The following KCTD20 variants were observed in gnomAD, a reference collection of about 807,000 sequenced individuals.
KCTD20 encodes BTB/POZ domain-containing protein KCTD20.
A neutral mutation model predicts 39.6 loss-of-function variants in KCTD20; 30 were observed. The ratio of observed to expected loss-of-function variants is 0.76; its 90% CI spans 0.57 to 1.03. The LOEUF is 1.03. Among genes scored for constraint, KCTD20 ranks in the 50% least tolerant of loss-of-function variants. The probability of loss-of-function intolerance (pLI) is 0.00; values close to 1 mark genes in which losing one functional copy is unlikely to be tolerated. For synonymous variants in KCTD20, 162 were observed against 180.6 expected, an observed-to-expected ratio of 0.90 and a Z score of 0.83; for missense variants, 422 against 522.0, an observed-to-expected ratio of 0.81 and a Z score of 1.87.
rs760260933 is a variant in KCTD20, at chr6:36,479,647, TAG to T, written c.598_599del (p.Asp200TyrfsTer3). ...CTGATGGCATCTCTATCCCAGATCT[TAG>T]AGATACTTGTGATTATCTCTGCATT... Reference protein sequence around the residue: ...CPDGISIPDLRDTCDYLCINF... With the variant: ...CPDGISIPDLXDTCDYLCINF... On this transcript the variant is annotated frameshift_variant, in exon 5 of 8. Transcript: ENST00000373731. LOFTEE classifies it high-confidence loss of function. 6 of 1,607,496 alleles carry T rather than the reference TAG, an allele frequency of 3.7e-6. No homozygotes were observed. The highest frequency in any genetic ancestry group is 1.3e-5 in the African/African-American group (1 of 74,816).
At chr6:36,443,985 G>C (rs1223111751) in intron 1 of KCTD20, among the ~76,000 whole-genome samples, 4 of 152,192 alleles carry the variant, frequency 2.6e-5, no homozygotes, top group Non-Finnish European at 5.9e-5. Flanking sequence ...ACAAAGTGTT[G>C]TAGTAGTGTC....
chr6:36,454,493 C>T (rs998516565), intron 1 of KCTD20, among the ~76,000 whole-genome samples: 12 of 151,932 alleles, frequency 7.9e-5, no homozygotes, highest in African/African-American at 2.9e-4. Context: ...AGATGCATGC[C>T]ACCACACCCG....
intron 5 of KCTD20, 73 bp from the exon 6 acceptor site, chr6:36,481,489 T>A (rs1245555798): frequency 9.0e-7 from 1 of 1,115,952 alleles, no homozygotes; most frequent in East Asian, 2.4e-5. Flanking sequence ...AGCCATTCCC[T>A]CATAGTCTTT....
intron 1 of KCTD20, among the ~76,000 whole-genome samples, chr6:36,454,863 G>T (rs1225093814): frequency 2.7e-5 from 4 of 150,902 alleles, no homozygotes; most frequent in Non-Finnish European, 5.9e-5. Context: ...GGCCAGGCTG[G>T]TCTTGAACTC....
At chr6:36,447,585 G>A (rs904491710) in intron 1 of KCTD20, among the ~76,000 whole-genome samples, 3 of 151,324 alleles carry the variant, frequency 2.0e-5, no homozygotes, top group Non-Finnish European at 4.4e-5. Flanking sequence ...AGCCAAGATC[G>A]CACCACTGCA....
chr6:36,481,782 A>G, intron 6 of KCTD20, 23 bp downstream of exon 6: 1 of 1,607,268 alleles, frequency 6.2e-7, no homozygotes, highest in Non-Finnish European at 8.5e-7. Context: ...GGCATGGCGT[A>G]GATGTTTTCA....
Position 36,489,517 on chromosome 6 carries a change from T to G in KCTD20, c.*2342T>G, listed in dbSNP as rs1301675303. 2.0e-5 allele frequency: 3 copies of G among 152,084 alleles called. No individual in the cohort carries two copies. The highest frequency in any genetic ancestry group is 7.2e-5 in the African/African-American group (3 of 41,406). 9.4% of individuals were successfully genotyped at this position (152,084 alleles called of 1,614,324 possible). On this transcript the variant is annotated 3_prime_UTR_variant, in exon 8 of 8. Coordinates refer to ENST00000373731, the MANE Select transcript of KCTD20 (RefSeq NM_173562.5). ...AGCTGGGATCACAGGTTCCTTCTGA[T>G]GGAGAGGAAGGTTTATTTCTATGCC...
intron 1 of KCTD20, among the ~76,000 whole-genome samples, chr6:36,445,064 C>T (rs1279569156): frequency 1.3e-5 from 2 of 152,054 alleles, no homozygotes; most frequent in East Asian, 3.9e-4. Flanking sequence ...GAGTTTCAGA[C>T]CAGCCTGGCC....
At chr6:36,484,598 C>A in intron 6 of KCTD20, 116 bp from the exon 7 acceptor site, 1 of 573,186 alleles carries the variant, frequency 1.7e-6, no homozygotes, top group Admixed American at 2.7e-5. Context: ...TTTGATCCAT[C>A]TGGATTATTT....
intron 1 of KCTD20, among the ~76,000 whole-genome samples, chr6:36,454,347 C>CTTT (rs11398517): frequency 6.8e-6 from 1 of 146,484 alleles, no homozygotes; most frequent in Non-Finnish European, 1.5e-5. Context: ...CTTTATGGCT[C>CTTT]TTTTTTTTTT....
chr6:36,456,970 T>C (rs1283651674), intron 1 of KCTD20, among the ~76,000 whole-genome samples: 1 of 152,154 alleles, frequency 6.6e-6, no homozygotes, highest in Non-Finnish European at 1.5e-5. Flanking sequence ...GCTAATTTTT[T>C]TGTATTTCTT....
chr6:36,473,107 C>T (rs886587407), intron 2 of KCTD20, among the ~76,000 whole-genome samples: 4 of 151,708 alleles, frequency 2.6e-5, no homozygotes, highest in African/African-American at 7.3e-5. Context: ...GTCACCCAGG[C>T]TGGAGTGCAG....
At chr6:36,460,840 G>GCA (rs1775581076) in intron 1 of KCTD20, among the ~76,000 whole-genome samples, 1 of 152,016 alleles carries the variant, frequency 6.6e-6, no homozygotes, top group Non-Finnish European at 1.5e-5. Context: ...AGGAGCAGCG[G>GCA]CACTGCATGG....
At chr6:36,481,326 C>T (rs1014937225) in intron 5 of KCTD20, among the ~76,000 whole-genome samples, 1 of 152,114 alleles carries the variant, frequency 6.6e-6, no homozygotes, top group Non-Finnish European at 1.5e-5. Flanking sequence ...AACAAAACCT[C>T]GATCAGAATG....
chr6:36,447,432 A>C (rs1775080062), intron 1 of KCTD20, among the ~76,000 whole-genome samples: 1 of 152,106 alleles, frequency 6.6e-6, no homozygotes, highest in Non-Finnish European at 1.5e-5. Flanking sequence ...GTTTGAGACC[A>C]TCCTGGCCAA....
intron 1 of KCTD20, among the ~76,000 whole-genome samples, chr6:36,464,520 G>A (rs1775686419): frequency 6.6e-6 from 1 of 152,090 alleles, no homozygotes; most frequent in South Asian, 2.1e-4. Context: ...AGTACTTTCG[G>A]AATATGATAG....
intron 1 of KCTD20, chr6:36,443,630 T>C (rs1368244921): frequency 2.0e-5 from 3 of 152,216 alleles, no homozygotes; most frequent in African/African-American, 7.2e-5. Flanking sequence ...CACCCGCAAA[T>C]TGCCAGCTTT....
chr6:36,479,606 G>T lies in KCTD20; in HGVS notation c.553G>T (p.Gly185Cys). Residue 185 changes from glycine to cysteine, a missense_variant, in exon 5 of 8, where the codon GGT becomes TGT. Coordinates refer to ENST00000373731, the MANE Select transcript of KCTD20 (RefSeq NM_173562.5). ...CTATTTACAGGATTATTACAAAACCGGTATCATCAATTGTCCTGATGGCAT... is the reference window on the plus strand; with the variant it reads ...CTATTTACAGGATTATTACAAAACCTGTATCATCAATTGTCCTGATGGCAT... Reference protein sequence around the residue: ...FRTVLDYYKTGIINCPDGISI... With the variant: ...FRTVLDYYKTCIINCPDGISI... 1 of 1,604,818 alleles carries T rather than the reference G, an allele frequency of 6.2e-7. No individual in the cohort carries two copies. The highest frequency in any genetic ancestry group is 1.1e-5 in the South Asian group (1 of 89,546).
At chr6:36,482,737 A>G (rs6913693) in intron 6 of KCTD20, among the ~76,000 whole-genome samples, 42,018 of 151,620 alleles carry the variant, frequency 0.28, 6,722 homozygotes, top group African/African-American at 0.44. Flanking sequence ...CTTGAGGTCA[A>G]GAGTTCGAGA....
Sources: allele counts gnomAD v4.1 joint callset (sites outside exome capture counted in the v4.1 genomes callset), GRCh38; gene constraint gnomAD v4.1.1; transcripts MANE v1.5; gene names NCBI Gene and HGNC (gene_info 2026-07-23, HGNC 2026-07-21).